Variants in PDGFRB observed in about 807,000 individuals in gnomAD.
PDGFRB encodes the protein platelet-derived growth factor receptor beta.
A neutral mutation model predicts 120.2 loss-of-function variants in PDGFRB; 42 were observed. The ratio of observed to expected loss-of-function variants is 0.35; its 90% confidence interval spans 0.27 to 0.45. The LOEUF is 0.45. Ranked by LOEUF, PDGFRB falls within the 20% of genes least tolerant of loss-of-function variation. The pLI is 1.00. For synonymous variants in PDGFRB, 586 were observed against 606.8 expected (o/e 0.97, Z 0.50); for missense variants, 1,149 against 1,476.3 (o/e 0.78, Z 3.63).
At chr5:150,124,445 G>A (rs1016170221) in intron 13 of PDGFRB, 85 bp from the exon 14 acceptor site, 4 of 983,924 alleles carry the variant, frequency 4.1e-6, no homozygotes, top group Non-Finnish European at 6.3e-6. Flanking sequence ...TGACTCTTCT[G>A]CCCCGCCCTG....
intron 12 of PDGFRB, 53 bp from the exon 13 acceptor site, chr5:150,124,884 C>T: frequency 1.3e-6 from 1 of 796,390 alleles, no homozygotes; most frequent in Non-Finnish European, 2.0e-6. Context: ...CTGCACCGCT[C>T]CCCCAGCTGC....
intron 21 of PDGFRB, among the ~76,000 whole-genome samples, chr5:150,118,209 G>C (rs147970719): frequency 2.0e-4 from 30 of 152,236 alleles, no homozygotes; most frequent in African/African-American, 6.3e-4. Context: ...CCATCTCCCA[G>C]GTCCCTGGGA....
chr5:150,145,472 A>T lies in PDGFRB; in HGVS notation c.-6-8419T>A, dbSNP rs80240452. On this transcript the variant is annotated intron_variant, in intron 1 of 22. Coordinates refer to ENST00000261799, the MANE Select transcript of PDGFRB (RefSeq NM_002609.4). ...CTATCTATGCTAAGCTCCTTATATG[A>T]ATGATCTCACCAAGTCCTCAGAACA... is the stretch of plus-strand genomic sequence containing the variant. Among the ~76,000 whole-genome samples, 841 of 152,316 alleles carry T rather than the reference A, an allele frequency of 5.5e-3. 8 individuals are homozygous for T. The highest frequency in any genetic ancestry group is 0.015 in the African/African-American group (639 of 41,564).
intron 1 of PDGFRB, among the ~76,000 whole-genome samples, chr5:150,146,845 G>A (rs898354429): frequency 6.6e-6 from 1 of 152,214 alleles, no homozygotes; most frequent in African/African-American, 2.4e-5. Flanking sequence ...CAGGATCTCA[G>A]GGATGAGAAG....
rs559501332 is a variant in PDGFRB at position 150,127,849 on chromosome 5, A to C, written c.1580-1235T>G. On this transcript the variant is annotated intron_variant, in intron 10 of 22. Transcript: ENST00000261799. ...ACTCCATCTTAAAAAAAAAAAAAAAAAAAAAAAAAACTTTGGATGCTTCCC... is the reference window on the plus strand; with the variant it reads ...ACTCCATCTTAAAAAAAAAAAAAAACAAAAAAAAAACTTTGGATGCTTCCC... Among the ~76,000 whole-genome samples the C allele has an allele frequency of 3.3e-5, 5 of 150,150 alleles. No individual in the cohort carries two copies. The East Asian group carries it at 8.0e-4, about 24-fold the overall frequency.
rs956102900 is a variant in PDGFRB, at chr5:150,151,778, C to T, written c.-7+3619G>A. Among the ~76,000 whole-genome samples the T allele has an allele frequency of 2.0e-5, 3 of 149,122 alleles. No individual in the cohort carries two copies. In the Admixed American group the frequency reaches 2.0e-4, roughly 10 times the overall value. On this transcript the variant is annotated intron_variant, in intron 1 of 22. Coordinates refer to ENST00000261799, the MANE Select transcript of PDGFRB (RefSeq NM_002609.4). ...TTGGGAGGCTGAGGCAGGAGAATCA[C>T]TTGAGCTTGGGAAGCGGAGGTTGCG...
intron 11 of PDGFRB, 62 bp from the exon 12 acceptor site, chr5:150,125,639 G>A (rs1038713471): frequency 3.8e-6 from 6 of 1,569,100 alleles, no homozygotes; most frequent in Non-Finnish European, 5.2e-6. Context: ...GCCCCATTAG[G>A]TTCGTCCGTC....
At chr5:150,129,607 C>T (rs761539711) in intron 10 of PDGFRB, 150 bp downstream of exon 10, 110 of 636,702 alleles carry the variant, frequency 1.7e-4, no homozygotes, top group Non-Finnish European at 1.4e-4. Context: ...TGTTCCTATG[C>T]ATGTACACAA....
intron 1 of PDGFRB, among the ~76,000 whole-genome samples, chr5:150,141,189 G>A (rs141444019): frequency 2.0e-4 from 30 of 152,344 alleles, no homozygotes; most frequent in Admixed American, 1.4e-3. Context: ...ACACATGTGC[G>A]CAGCTCCCAC....
chr5:150,123,574 C>A (rs924003142), intron 14 of PDGFRB, among the ~76,000 whole-genome samples: 2 of 152,214 alleles, frequency 1.3e-5, no homozygotes, highest in Non-Finnish European at 2.9e-5. Flanking sequence ...ATAAAGGCCA[C>A]TGTTTACAAC....
Position 150,136,447 on chromosome 5 carries a change from T to C in PDGFRB, c.40+561A>G, listed in dbSNP as rs950142411. ...CTCCACGACATCCCCTGGAGAAGGA[T>C]TTTTCAGGCCACGCCCTCCATGCCC... On this transcript the variant is annotated intron_variant, in intron 2 of 22. Transcript: ENST00000261799. Among the ~76,000 whole-genome samples the C allele has an allele frequency of 2.0e-5, 3 of 152,030 alleles. No homozygotes were observed. The East Asian group carries it at 5.8e-4, about 29-fold the overall frequency.
chr5:150,133,504 C>T (rs531217270), intron 6 of PDGFRB, 82 bp downstream of exon 6: 2 of 1,178,314 alleles, frequency 1.7e-6, no homozygotes, highest in East Asian at 2.3e-5. Flanking sequence ...GCAACTCTCA[C>T]CATCACTCTG....
chr5:150,121,265 A>G lies in PDGFRB; in HGVS notation c.2402T>C (p.Met801Thr), dbSNP rs1760125256. 1.9e-6 allele frequency: 3 copies of G among 1,610,048 alleles called. No individual in the cohort carries two copies. Among genetic ancestry groups the G allele is most frequent in the South Asian group, 1.1e-5 (1 of 90,990 alleles). The change falls in exon 17 of 23, where the codon ATG becomes ACG. Residue 801 changes from methionine to threonine, a missense_variant. Around this residue, in one of 3 missense-constraint regions of PDGFRB, gnomAD observed 879 missense variants for 1,108.6 expected, o/e 0.79. Transcript: ENST00000261799. This position sits in a 1 kb window ranked among gnomAD's most constrained non-coding sequence, Gnocchi z 4.1. ...LINESPVLSY[M>T]DLVGFSYQVA... ...CTGGTAGCTGAAGCCCACGAGGTCC[A>G]TGTAGCTTAGCACTGGAGACTCGTT...
In PDGFRB at chr5:150,114,869, T is replaced by C. The variant is rs1242370225; in HGVS notation, c.*894A>G. The C allele has an allele frequency of 4.3e-6, 1 of 233,440 alleles. No homozygotes were observed. Among genetic ancestry groups the C allele is most frequent in the Non-Finnish European group, 8.5e-6 (1 of 118,022 alleles). 14.5% of individuals were successfully genotyped at this position (233,440 alleles called of 1,614,324 possible). On this transcript the variant is annotated 3_prime_UTR_variant, in exon 23 of 23. Transcript: ENST00000261799. ...GGTGAGGGATTCCTCCAAAGCCTCA[T>C]AGCAGGTCCAATGCAGAGCCAGGGC... is the stretch of plus-strand genomic sequence containing the variant.
Position 150,121,994 on chromosome 5 carries a change from T to C in PDGFRB, c.2230A>G (p.Ser744Gly), listed in dbSNP as rs1760152092. 7 of 1,613,758 alleles carry C rather than the reference T, an allele frequency of 4.3e-6. No individual in the cohort carries two copies. The highest frequency in any genetic ancestry group is 1.3e-5 in the African/African-American group (1 of 74,906). Residue 744 changes from serine to glycine, a missense_variant, in exon 16 of 23, where the codon AGC (serine) becomes GGC (glycine). Coordinates refer to ENST00000261799, the MANE Select transcript of PDGFRB (RefSeq NM_002609.4). The surrounding 1 kb of genome is among the most constrained non-coding windows in gnomAD (Gnocchi z 4.1). ...ACATAGTCCACCGACTCGTCCTTGCTCATGTCCATGTAGCCACCGTCGCTC... is the reference window on the plus strand; with the variant it reads ...ACATAGTCCACCGACTCGTCCTTGCCCATGTCCATGTAGCCACCGTCGCTC... ...GESDGGYMDM[S>G]KDESVDYVPM...
In PDGFRB at chr5:150,135,535, C is replaced by T. The variant is rs1766007355; in HGVS notation, c.364+20G>A. 10 of 1,531,812 alleles carry T rather than the reference C, an allele frequency of 6.5e-6. No homozygotes were observed. The East Asian group carries it at 2.0e-4, about 31-fold the overall frequency. The allele number at this position is 1,531,812 out of a possible 1,614,324, so 94.9% of individuals were successfully genotyped here. On this transcript the variant is annotated intron_variant, in intron 3 of 22. Transcript: ENST00000261799. ...TGACAAGAGGGGTAAGGAGTGGGCA[C>T]ACAGGCTGGGAGCCCTTACCTGGCA...
At position 150,117,536 on chromosome 5, in the gene PDGFRB, GCGCGCGCGCACA is replaced by G. The variant is rs1272539789; in HGVS notation, c.3137+70_3137+81del. 2,154 of 677,570 alleles carry G rather than the reference GCGCGCGCGCACA, an allele frequency of 3.2e-3. 11 individuals carry two copies. In the African/African-American group the frequency reaches 0.042, roughly 13 times the overall value. 42.0% of individuals were successfully genotyped at this position (677,570 alleles called of 1,614,324 possible). ...CTGAGGCAAACCTGGCAGCGCGCGC[GCGCGCGCGCACA>G]CACACACACACACACACACACACAC... is the stretch of plus-strand genomic sequence containing the variant. On this transcript the variant is annotated intron_variant, in intron 22 of 22. Coordinates refer to ENST00000261799, the MANE Select transcript of PDGFRB (RefSeq NM_002609.4).
chr5:150,133,049 G>A, intron 6 of PDGFRB, 107 bp from the exon 7 acceptor site: 1 of 770,044 alleles, frequency 1.3e-6, no homozygotes, highest in African/African-American at 1.7e-5. Context: ...GACCGTGCCA[G>A]CCATGGAGTT....
At chr5:150,133,797 AG>A (rs1760546752) in intron 5 of PDGFRB, 37 bp from the exon 6 acceptor site, 1 of 1,611,676 alleles carries the variant, frequency 6.2e-7, no homozygotes, top group Non-Finnish European at 8.5e-7. Context: ...CCAAATCAGG[AG>A]GGGCCGGGGA....
Sources: allele counts gnomAD v4.1 joint callset (sites outside exome capture counted in the v4.1 genomes callset), GRCh38; gene constraint gnomAD v4.1.1; regional missense constraint gnomAD v4.1.1; non-coding constraint Gnocchi (gnomAD v3.1); transcripts MANE v1.5; gene names NCBI Gene and HGNC (gene_info 2026-07-23, HGNC 2026-07-21).